The following PEBP4 variants were observed in gnomAD, a reference collection of about 807,000 sequenced individuals.
The protein encoded by PEBP4 is phosphatidylethanolamine-binding protein 4.
PEBP4 carries 22 observed loss-of-function variants against 23.9 expected under a neutral mutation model. That is an observed-to-expected ratio of 0.92 (90% CI 0.66 to 1.31). The LOEUF (loss-of-function observed/expected upper bound fraction) is 1.31. Ranked by LOEUF, PEBP4 falls within the 40% of genes most tolerant of loss-of-function variation. The probability of loss-of-function intolerance (pLI) is 0.00; values close to 1 mark genes in which losing one functional copy is unlikely to be tolerated. For synonymous variants in PEBP4, 112 were observed against 99.3 expected, an observed-to-expected ratio of 1.13 and a Z score of -0.76; for missense variants, 324 against 281.7, an observed-to-expected ratio of 1.15 and a Z score of -1.07.
chr8:22,770,184 C>T (rs965575843), intron 4 of PEBP4, among the ~76,000 whole-genome samples: 1 of 152,188 alleles, frequency 6.6e-6, no homozygotes, highest in Non-Finnish European at 1.5e-5. Flanking sequence ...AGAAAGAAGG[C>T]TCCTCTTCCT....
chr8:22,881,971 T>C (rs1354221931), intron 3 of PEBP4, among the ~76,000 whole-genome samples: 5 of 152,158 alleles, frequency 3.3e-5, no homozygotes. Context: ...ACCTTGTGGG[T>C]GTTGAATCAC....
At chr8:22,895,377 C>T (rs1364705829) in intron 3 of PEBP4, 1 of 152,212 alleles carries the variant, frequency 6.6e-6, no homozygotes, top group Non-Finnish European at 1.5e-5. Context: ...TACCCTCCTT[C>T]ACTCTGTCCC....
chr8:22,874,454 T>G (rs1808077873), intron 3 of PEBP4, among the ~76,000 whole-genome samples: 1 of 152,110 alleles, frequency 6.6e-6, no homozygotes, highest in Admixed American at 6.6e-5. Flanking sequence ...AAAGAAATAG[T>G]TATAAACTTG....
intron 3 of PEBP4, among the ~76,000 whole-genome samples, chr8:22,855,487 A>G (rs1396740429): frequency 6.6e-6 from 1 of 152,118 alleles, no homozygotes; most frequent in Non-Finnish European, 1.5e-5. Context: ...GGTCTGTGTC[A>G]TGATCTGTAT....
intron 3 of PEBP4, among the ~76,000 whole-genome samples, chr8:22,881,788 G>C (rs1021465245): frequency 2.0e-5 from 3 of 152,226 alleles, no homozygotes; most frequent in African/African-American, 4.8e-5. Flanking sequence ...ATGAAACTGT[G>C]GAGTGGGAGG....
chr8:22,751,514 G>T (rs1308973963), intron 4 of PEBP4, among the ~76,000 whole-genome samples: 1 of 152,044 alleles, frequency 6.6e-6, no homozygotes, highest in East Asian at 1.9e-4. Context: ...TAAATCGGTG[G>T]TAGATAGAGA....
At chr8:22,856,912 TC>T (rs1290543093) in intron 3 of PEBP4, among the ~76,000 whole-genome samples, 2 of 151,892 alleles carry the variant, frequency 1.3e-5, no homozygotes, top group Non-Finnish European at 1.5e-5. Context: ...CAACTCAATG[TC>T]CAACAAAGGG....
At chr8:22,924,030 G>A (rs141216259) in intron 2 of PEBP4, among the ~76,000 whole-genome samples, 10 of 152,314 alleles carry the variant, frequency 6.6e-5, no homozygotes, top group African/African-American at 1.9e-4. Context: ...AGGCTGCCTC[G>A]AAGAGGGGGC....
chr8:22,772,575 G>A (rs550265803), intron 4 of PEBP4, among the ~76,000 whole-genome samples: 5 of 148,164 alleles, frequency 3.4e-5, no homozygotes, highest in Non-Finnish European at 7.4e-5. Context: ...AGCTCATTGC[G>A]GCATCCAACT....
intron 4 of PEBP4, among the ~76,000 whole-genome samples, chr8:22,751,669 A>G (rs886067847): frequency 6.6e-6 from 1 of 151,166 alleles, no homozygotes; most frequent in Non-Finnish European, 1.5e-5. Context: ...GTGCGTCTAT[A>G]TATTTGTATT....
intron 3 of PEBP4, among the ~76,000 whole-genome samples, chr8:22,824,410 A>G (rs2128762996): frequency 6.6e-6 from 1 of 152,100 alleles, no homozygotes; most frequent in East Asian, 1.9e-4. Flanking sequence ...CCCTAACCCT[A>G]CACTGCTGCC....
chr8:22,930,508 A>G (rs141496287), upstream of PEBP4, among the ~76,000 whole-genome samples: 376 of 152,288 alleles, frequency 2.5e-3, 1 homozygote, highest in Admixed American at 5.3e-3. Context: ...TGGAGTATAT[A>G]GAAGCTTAAT....
At chr8:22,778,918 G>A (rs1011177315) in intron 4 of PEBP4, among the ~76,000 whole-genome samples, 2 of 152,190 alleles carry the variant, frequency 1.3e-5, no homozygotes, top group African/African-American at 2.4e-5. Context: ...CCTCTGTCAT[G>A]TTGTCGGAGG....
intron 3 of PEBP4, among the ~76,000 whole-genome samples, chr8:22,915,998 G>A (rs1396866022): frequency 6.6e-6 from 1 of 152,198 alleles, no homozygotes; most frequent in African/African-American, 2.4e-5. Flanking sequence ...TGCTCCCTGG[G>A]AGGCTGCGGC....
intron 3 of PEBP4, among the ~76,000 whole-genome samples, chr8:22,861,268 T>A (rs1040523560): frequency 3.9e-5 from 6 of 152,236 alleles, no homozygotes; most frequent in Non-Finnish European, 7.3e-5. Flanking sequence ...GAGGTTCAAT[T>A]TGCCCTATTA....
rs145534784 is a variant in PEBP4, at chr8:22,910,107, C to T, written c.258+10077G>A. 8.5e-5 allele frequency among the ~76,000 whole-genome samples: 13 copies of T among 152,356 alleles called. No individual in the cohort carries two copies. In the East Asian group the frequency reaches 1.5e-3, roughly 18 times the overall value. On this transcript the variant is annotated intron_variant, in intron 3 of 6. Transcript: ENST00000256404. ...TGGGAGCCAGCCCAGCTGCACTCTC[C>T]TGCTGATCTTGAGAGAGTCGTTTTA...
At chr8:22,939,291 G>C (rs1156605115) in intron 1 of PEBP4, among the ~76,000 whole-genome samples, 1 of 151,982 alleles carries the variant, frequency 6.6e-6, no homozygotes, top group Non-Finnish European at 1.5e-5. Flanking sequence ...AGGATATGAA[G>C]ACAAAGAAAA....
At chr8:22,798,393 T>TC in intron 4 of PEBP4, 1 of 152,828 alleles carries the variant, frequency 6.5e-6, no homozygotes, top group Non-Finnish European at 1.5e-5. Flanking sequence ...AAACCAATAT[T>TC]CCCCCTGCGC....
chr8:22,937,645 A>G (rs1002402514), intron 1 of PEBP4, among the ~76,000 whole-genome samples: 2 of 152,226 alleles, frequency 1.3e-5, no homozygotes, highest in South Asian at 4.1e-4. Context: ...AAAAGAAAAC[A>G]TAGTTGAAGG....
Sources: gnomAD v4.1 joint callset for allele counts (sites outside exome capture counted in the v4.1 genomes callset) on GRCh38, gnomAD v4.1.1 for gene constraint, MANE v1.5 for transcripts, NCBI Gene and HGNC (gene_info 2026-07-23, HGNC 2026-07-21) for gene names.